The following NRF1 variants were observed in gnomAD, a reference collection of about 807,000 sequenced individuals.
NRF1 encodes alpha palindromic-binding protein.
NRF1 carries 5 observed loss-of-function variants against 58.5 expected under a neutral mutation model. The observed-to-expected ratio is 0.09, with a 90% CI of 0.04 to 0.18. NRF1 has a LOEUF of 0.18. NRF1 is among the 10% of genes least tolerant of loss of function. NRF1 has a pLI of 1.00. For synonymous variants in NRF1, 224 were observed against 246.7 expected, an observed-to-expected ratio of 0.91 and a Z score of 0.86; for missense variants, 288 against 657.7, an observed-to-expected ratio of 0.44 and a Z score of 6.15.
In NRF1 at chr7:129,744,346, CT is replaced by C. The variant is rs1803921658; in HGVS notation, c.1349-10671del. 4 of 740,072 alleles carry C rather than the reference CT, an allele frequency of 5.4e-6. No homozygotes were observed. The Admixed American group carries it at 1.0e-4, about 19-fold the overall frequency. 45.8% of individuals were successfully genotyped at this position (740,072 alleles called of 1,614,324 possible). A position where few individuals can be genotyped will look rare whatever the true frequency, so the allele number is the denominator to read the frequency against. ...GGGATTCCTCTACTGTGCAGTCCCC[CT>C]CACTCGGTCACCTGATAGTTTTAGT... On this transcript the variant is annotated intron_variant, in intron 10 of 10. Coordinates refer to ENST00000393232, the MANE Select transcript of NRF1 (RefSeq NM_005011.5).
intron 1 of NRF1, among the ~76,000 whole-genome samples, chr7:129,613,103 AAGGT>A (rs1800578016): frequency 6.6e-6 from 1 of 152,216 alleles, no homozygotes; most frequent in Non-Finnish European, 1.5e-5. Flanking sequence ...CATAAGGAGA[AAGGT>A]AGTGTGAGTG....
chr7:129,708,870 C>T (rs1355538815), intron 5 of NRF1, among the ~76,000 whole-genome samples: 3 of 152,130 alleles, frequency 2.0e-5, no homozygotes, highest in Admixed American at 6.5e-5. Context: ...GCCTAAGGTG[C>T]ACTTTATCAA....
chr7:129,634,268 T>C (rs1225950322), intron 1 of NRF1, among the ~76,000 whole-genome samples: 1 of 152,116 alleles, frequency 6.6e-6, no homozygotes, highest in Non-Finnish European at 1.5e-5. Flanking sequence ...TCTGTGTGTT[T>C]GTGCAGTCTG....
intron 1 of NRF1, among the ~76,000 whole-genome samples, chr7:129,641,124 T>C (rs1801278943): frequency 6.6e-6 from 1 of 152,218 alleles, no homozygotes. Flanking sequence ...TGTTTTTAGC[T>C]TCACTTGTGG....
chr7:129,724,181 G>A (rs950920153), intron 9 of NRF1, among the ~76,000 whole-genome samples: 5 of 152,214 alleles, frequency 3.3e-5, no homozygotes, highest in Non-Finnish European at 4.4e-5. Context: ...TATAGGGAAT[G>A]TCTAAAACTC....
intron 9 of NRF1, among the ~76,000 whole-genome samples, chr7:129,724,499 C>T (rs1172671003): frequency 6.6e-6 from 1 of 152,170 alleles, no homozygotes; most frequent in African/African-American, 2.4e-5. Context: ...AAAAATGGGA[C>T]TACCGTATGT....
chr7:129,733,084 T>G (rs1803621508), intron 10 of NRF1, among the ~76,000 whole-genome samples: 1 of 150,182 alleles, frequency 6.7e-6, no homozygotes, highest in Non-Finnish European at 1.5e-5. Flanking sequence ...AACAAAAGGT[T>G]CATCTTTTAA....
chr7:129,671,476 C>T lies in NRF1; in HGVS notation c.271C>T (p.Arg91Trp). 1 of 1,614,018 alleles carries T rather than the reference C, an allele frequency of 6.2e-7. No individual in the cohort carries two copies. Among genetic ancestry groups the T allele is most frequent in the Non-Finnish European group, 8.5e-7 (1 of 1,179,926 alleles). ...AAAAVATGKK[R>W]KRPHVFESNP... is the part of the protein sequence containing the mutation. The stretch of plus-strand genomic sequence containing the variant: ...TGCTGCTGTGGCAACAGGAAAGAAA[C>T]GGAAACGGCCTCATGTATTTGAGTC... Residue 91 changes from arginine (R) to tryptophan (W), a missense_variant, in exon 3 of 11, where the codon CGG becomes TGG. Physicochemically the swap from Arg to Trp is moderately radical, Grantham distance 101. Around this residue, in one of 3 missense-constraint regions of NRF1, gnomAD observed 212 missense variants for 559.7 expected, o/e 0.38. Coordinates refer to ENST00000393232, the MANE Select transcript of NRF1 (RefSeq NM_005011.5).
intron 5 of NRF1, among the ~76,000 whole-genome samples, chr7:129,691,616 A>G (rs1802570918): frequency 6.6e-6 from 1 of 152,050 alleles, no homozygotes; most frequent in African/African-American, 2.4e-5. Flanking sequence ...CGGCCTCCCA[A>G]AGTGCTGGGA....
At chr7:129,688,215 C>T (rs1802484602) in intron 4 of NRF1, among the ~76,000 whole-genome samples, 1 of 152,170 alleles carries the variant, frequency 6.6e-6, no homozygotes, top group Non-Finnish European at 1.5e-5. Flanking sequence ...CAACCTCCAC[C>T]TCCTGGGCTT....
At chr7:129,624,734 C>A (rs1800877073) in intron 1 of NRF1, among the ~76,000 whole-genome samples, 1 of 152,126 alleles carries the variant, frequency 6.6e-6, no homozygotes, top group Non-Finnish European at 1.5e-5. Flanking sequence ...AGGCTGCTCT[C>A]AGACTCCTGT....
intron 10 of NRF1, among the ~76,000 whole-genome samples, chr7:129,734,577 G>GC (rs2116274638): frequency 6.6e-6 from 1 of 152,330 alleles, no homozygotes; most frequent in South Asian, 2.1e-4. Context: ...ATGCTGCTGA[G>GC]TGCCCCGGGC....
intron 5 of NRF1, among the ~76,000 whole-genome samples, chr7:129,697,926 G>A (rs532010455): frequency 5.3e-5 from 8 of 152,006 alleles, no homozygotes; most frequent in South Asian, 2.1e-4. Context: ...AGTAGAGAAG[G>A]GGTTTCACCA....
chr7:129,678,849 CA>C (rs895361748), intron 4 of NRF1, among the ~76,000 whole-genome samples: 4 of 151,456 alleles, frequency 2.6e-5, no homozygotes, highest in Non-Finnish European at 5.9e-5. Flanking sequence ...TTACTCACTG[CA>C]AAAAAAACTT....
intron 3 of NRF1, among the ~76,000 whole-genome samples, chr7:129,674,484 G>A (rs776485815): frequency 3.0e-4 from 46 of 151,968 alleles, no homozygotes; most frequent in Admixed American, 1.3e-4. Context: ...GTCCAAGCTA[G>A]AGTGCAGTGG....
intron 4 of NRF1, among the ~76,000 whole-genome samples, chr7:129,683,882 C>T (rs1019848328): frequency 3.9e-5 from 6 of 152,254 alleles, no homozygotes; most frequent in Non-Finnish European, 8.8e-5. Flanking sequence ...ATCCTCCTGC[C>T]TCAGCCTCCC....
chr7:129,756,748 C>G lies in NRF1; in HGVS notation c.*1567C>G, dbSNP rs572268349. ...CAACCTTTGAGAGAAGTTTCAGATT[C>G]TTGTATTTGCTTGTTTTATATAAAA... is the stretch of plus-strand genomic sequence containing the variant. On this transcript the variant is annotated 3_prime_UTR_variant, in exon 11 of 11. Coordinates refer to ENST00000393232, the MANE Select transcript of NRF1 (RefSeq NM_005011.5). 2.0e-5 allele frequency: 3 copies of G among 152,476 alleles called. No homozygotes were observed. The highest frequency in any genetic ancestry group is 6.6e-5 in the Admixed American group (1 of 15,266). 9.4% of individuals were successfully genotyped at this position (152,476 alleles called of 1,614,324 possible).
At chr7:129,707,932 CTGA>C (rs1779153765) in intron 5 of NRF1, among the ~76,000 whole-genome samples, 1 of 152,006 alleles carries the variant, frequency 6.6e-6, no homozygotes, top group Admixed American at 6.6e-5. Context: ...ATAAGAATAC[CTGA>C]TATTTATAGA....
chr7:129,709,607 TAG>T (rs1803024558), intron 6 of NRF1, among the ~76,000 whole-genome samples: 1 of 152,160 alleles, frequency 6.6e-6, no homozygotes, highest in African/African-American at 2.4e-5. Context: ...AATATGGAAT[TAG>T]AGGGATATGA....
Sources: gnomAD v4.1 joint callset for allele counts (sites outside exome capture counted in the v4.1 genomes callset) on GRCh38, gnomAD v4.1.1 for gene constraint, gnomAD v4.1.1 regional missense constraint, MANE v1.5 for transcripts, NCBI Gene and HGNC (gene_info 2026-07-23, HGNC 2026-07-21) for gene names.